SLC8A1: variants seen among roughly 807,000 people sequenced by gnomAD.
SLC8A1 encodes solute carrier family 8 member A1.
SLC8A1 carries 18 observed loss-of-function variants against 68.3 expected under a neutral mutation model. The observed-to-expected ratio is 0.26, with a 90% CI of 0.18 to 0.39. The LOEUF is 0.39. Ranked by LOEUF, SLC8A1 falls within the 10% of genes least tolerant of loss-of-function variation. SLC8A1 has a pLI of 1.00. For synonymous variants in SLC8A1, 475 were observed against 415.5 expected (o/e 1.14, Z -1.74); for missense variants, 985 against 1,156.7 (o/e 0.85, Z 2.15).
intron 2 of SLC8A1, among the ~76,000 whole-genome samples, chr2:40,212,935 G>A (rs527400042): frequency 6.6e-6 from 1 of 152,220 alleles, no homozygotes; most frequent in Admixed American, 6.5e-5. Context: ...AGAGAGCTAA[G>A]GCTAAGTCAG....
intron 2 of SLC8A1, among the ~76,000 whole-genome samples, chr2:40,262,279 T>C (rs2064818508): frequency 6.6e-6 from 1 of 152,172 alleles, no homozygotes; most frequent in African/African-American, 2.4e-5. Flanking sequence ...ACTATTATAT[T>C]GCCAATATTT....
intron 2 of SLC8A1, among the ~76,000 whole-genome samples, chr2:40,418,256 A>G (rs1403454171): frequency 6.6e-6 from 1 of 152,126 alleles, no homozygotes; most frequent in Non-Finnish European, 1.5e-5. Context: ...TTATATATTC[A>G]TATTTACTGT....
At chr2:40,172,804 T>TGGTGGCACG (rs1169873527) in intron 4 of SLC8A1, among the ~76,000 whole-genome samples, 3 of 151,900 alleles carry the variant, frequency 2.0e-5, no homozygotes, top group Non-Finnish European at 4.4e-5. Flanking sequence ...TAGCTAGGCG[T>TGGTGGCACG]GGTGGCACGT....
intron 2 of SLC8A1, among the ~76,000 whole-genome samples, chr2:40,351,203 CTGAG>C (rs1226577550): frequency 6.6e-6 from 1 of 152,086 alleles, no homozygotes; most frequent in African/African-American, 2.4e-5. Context: ...AAGGCAGCGA[CTGAG>C]TGTGAATTTT....
intron 1 of SLC8A1, among the ~76,000 whole-genome samples, chr2:40,444,179 A>G (rs1440069727): frequency 6.6e-6 from 1 of 151,982 alleles, no homozygotes. Context: ...TACAAAAATA[A>G]AATTAAAAAA....
chr2:40,276,043 T>C (rs1272748724), intron 2 of SLC8A1, among the ~76,000 whole-genome samples: 3 of 152,236 alleles, frequency 2.0e-5, no homozygotes, highest in African/African-American at 7.2e-5. Flanking sequence ...GGTATGCAGC[T>C]ACTTGTAAAA....
intron 6 of SLC8A1, among the ~76,000 whole-genome samples, chr2:40,159,345 C>T (rs1025759133): frequency 1.3e-5 from 2 of 152,100 alleles, no homozygotes; most frequent in African/African-American, 4.8e-5. Flanking sequence ...CATAGAAAAA[C>T]GAAGGAATGA....
chr2:40,407,616 T>C (rs1267986420), intron 2 of SLC8A1, among the ~76,000 whole-genome samples: 8 of 152,188 alleles, frequency 5.3e-5, no homozygotes, highest in African/African-American at 1.7e-4. Flanking sequence ...CAGCTCTATA[T>C]TGGAGCTCCC....
At chr2:40,320,743 A>G (rs2075084571) in intron 2 of SLC8A1, among the ~76,000 whole-genome samples, 7 of 152,192 alleles carry the variant, frequency 4.6e-5, no homozygotes, top group Admixed American at 4.6e-4. Flanking sequence ...TCCATTTTCA[A>G]TATTTCCTAA....
intron 2 of SLC8A1, among the ~76,000 whole-genome samples, chr2:40,413,696 T>C (rs1260254900): frequency 2.0e-5 from 3 of 152,184 alleles, no homozygotes; most frequent in Non-Finnish European, 4.4e-5. Flanking sequence ...CACAGCATGA[T>C]ACAAATTAAC....
At chr2:40,414,944 G>T (rs1693350751) in intron 2 of SLC8A1, among the ~76,000 whole-genome samples, 1 of 152,140 alleles carries the variant, frequency 6.6e-6, no homozygotes, top group African/African-American at 2.4e-5. Context: ...GCAATATTGG[G>T]AAAGAAGGCC....
intron 2 of SLC8A1, among the ~76,000 whole-genome samples, chr2:40,230,572 G>A (rs534792264): frequency 8.5e-5 from 13 of 152,254 alleles, no homozygotes; most frequent in Admixed American, 2.6e-4. Flanking sequence ...CATGATAGGC[G>A]TGTGCAAATT....
upstream of SLC8A1, chr2:40,453,205 T>G (rs537775156): frequency 4.9e-4 from 74 of 152,290 alleles, no homozygotes; most frequent in African/African-American, 1.8e-3. Context: ...CCGAATCTGA[T>G]GCAGACTCTC....
At chr2:40,229,223 C>T (rs1167820191) in intron 2 of SLC8A1, among the ~76,000 whole-genome samples, 3 of 151,830 alleles carry the variant, frequency 2.0e-5, no homozygotes, top group African/African-American at 7.3e-5. Context: ...GAAGAGGTAT[C>T]AATTAGAGAA....
intron 1 of SLC8A1, among the ~76,000 whole-genome samples, chr2:40,485,222 T>C (rs1441823819): frequency 6.6e-6 from 1 of 152,168 alleles, no homozygotes; most frequent in East Asian, 1.9e-4. Context: ...GGTTTAACTA[T>C]ATATCAAATT....
intron 2 of SLC8A1, among the ~76,000 whole-genome samples, chr2:40,375,646 A>T (rs1679569200): frequency 6.6e-6 from 1 of 152,130 alleles, no homozygotes; most frequent in African/African-American, 2.4e-5. Context: ...TAAGGATTTC[A>T]GATGAGTTAA....
chr2:40,243,823 G>A (rs891319843), intron 2 of SLC8A1, among the ~76,000 whole-genome samples: 8 of 152,280 alleles, frequency 5.3e-5, no homozygotes, highest in Admixed American at 5.2e-4. Flanking sequence ...AAGTGGGGGA[G>A]GAATTCCATG....
At chr2:40,220,409 C>T (rs189763627) in intron 2 of SLC8A1, 1 of 152,322 alleles carries the variant, frequency 6.6e-6, no homozygotes, top group East Asian at 1.9e-4. Flanking sequence ...AAGCTCAATG[C>T]TTAGCCATCA....
chr2:40,450,778 T>A (rs1297238061), intron 1 of SLC8A1, among the ~76,000 whole-genome samples: 1 of 152,208 alleles, frequency 6.6e-6, no homozygotes, highest in Non-Finnish European at 1.5e-5. Context: ...GTTCGGGGGC[T>A]TCAAAAGGAT....
Sources: gnomAD v4.1 joint callset for allele counts (sites outside exome capture counted in the v4.1 genomes callset) on GRCh38, gnomAD v4.1.1 for gene constraint, MANE v1.5 for transcripts, NCBI Gene and HGNC (gene_info 2026-07-23, HGNC 2026-07-21) for gene names.